Variants in ANKRD30BL observed in about 807,000 individuals in gnomAD.
The protein encoded by ANKRD30BL is ankyrin repeat domain 30B like.
ANKRD30BL carries 20 observed loss-of-function variants against 18.4 expected under a neutral mutation model. That is an observed-to-expected ratio of 1.09 (90% CI 0.77 to 1.58). ANKRD30BL has a LOEUF of 1.58. ANKRD30BL is among the 40% of genes most tolerant of loss of function. The pLI is 0.00. For missense variants in ANKRD30BL, 224 were observed against 268.6 expected (o/e 0.83, Z 1.16); for synonymous variants, 72 against 100.9 (o/e 0.71, Z 1.72).
chr2:132,205,662 T>C (rs1207142390), intron 1 of ANKRD30BL, among the ~76,000 whole-genome samples: 4 of 134,662 alleles, frequency 3.0e-5, no homozygotes, highest in African/African-American at 1.1e-4. Context: ...AAAGAAAAAA[T>C]GAAAGCATGG....
chr2:132,239,195 G>A (rs151154258), intron 1 of ANKRD30BL, among the ~76,000 whole-genome samples: 2 of 151,496 alleles, frequency 1.3e-5, no homozygotes, highest in African/African-American at 4.8e-5. Context: ...CAACTCATAG[G>A]GTTGAACTTT....
intron 1 of ANKRD30BL, among the ~76,000 whole-genome samples, chr2:132,238,668 G>A (rs1186774324): frequency 6.6e-6 from 1 of 152,000 alleles, no homozygotes; most frequent in Non-Finnish European, 1.5e-5. Flanking sequence ...TCTGATGTGT[G>A]TACTCAACTC....
At chr2:132,252,620 G>T (rs1245508040) in intron 1 of ANKRD30BL, among the ~76,000 whole-genome samples, 6 of 152,148 alleles carry the variant, frequency 3.9e-5, no homozygotes, top group African/African-American at 1.4e-4. Context: ...GCTGTGGTCA[G>T]CCAGTCGCTG....
intron 1 of ANKRD30BL, among the ~76,000 whole-genome samples, chr2:132,205,655 GA>G (rs1185193461): frequency 3.3e-5 from 5 of 150,272 alleles, no homozygotes; most frequent in Non-Finnish European, 1.5e-5. Flanking sequence ...AAAAATAAAA[GA>G]AAAAATGAAA....
At position 132,251,750 on chromosome 2, in the gene ANKRD30BL, T is replaced by C. The variant is rs574331063; in HGVS notation, n.441+5779A>G. On this transcript the variant is annotated intron_variant and non_coding_transcript_variant, in intron 1 of 4. Coordinates refer to the ANKRD30BL transcript ENST00000470729. ...ATTCCATTCATTTTTTTCCACAGCTTGGTTTTCACTGTTGTTGCCTAACAT... is the reference window on the plus strand; with the variant it reads ...ATTCCATTCATTTTTTTCCACAGCTCGGTTTTCACTGTTGTTGCCTAACAT... Among the ~76,000 whole-genome samples the C allele has an allele frequency of 2.0e-5, 3 of 152,362 alleles. No homozygotes were observed. In the South Asian group the frequency reaches 6.2e-4, roughly 32 times the overall value.
intron 1 of ANKRD30BL, among the ~76,000 whole-genome samples, chr2:132,253,874 G>A (rs72869415): frequency 2.6e-5 from 4 of 152,078 alleles, no homozygotes; most frequent in South Asian, 4.1e-4. Context: ...GAGAGCAAGC[G>A]GGCCGGGCCG....
At chr2:132,216,289 C>CT (rs2104763910) in intron 1 of ANKRD30BL, among the ~76,000 whole-genome samples, 1 of 152,026 alleles carries the variant, frequency 6.6e-6, no homozygotes, top group African/African-American at 2.4e-5. Flanking sequence ...TTGAAACTCT[C>CT]TTTTTGTAGA....
intron 1 of ANKRD30BL, among the ~76,000 whole-genome samples, chr2:132,231,365 T>C (rs1236809367): frequency 6.6e-6 from 1 of 152,098 alleles, no homozygotes; most frequent in African/African-American, 2.4e-5. Context: ...ACAGCTCTGG[T>C]CTACAGCTCC....
rs139756863 is a variant in ANKRD30BL, at chr2:132,178,415, A to G, written n.442-21269T>C. On this transcript the variant is annotated intron_variant and non_coding_transcript_variant, in intron 1 of 4. Coordinates refer to the ANKRD30BL transcript ENST00000470729. Reference sequence around the variant, plus strand: ...GTTATGGGGCATGGTAGGAAATTCCAGGTGGCCAGATGATTTGACTAAATG... The same window carrying G: ...GTTATGGGGCATGGTAGGAAATTCCGGGTGGCCAGATGATTTGACTAAATG... Among the ~76,000 whole-genome samples the G allele has an allele frequency of 5.4e-3, 829 of 152,344 alleles. 7 individuals carry two copies. The highest frequency in any genetic ancestry group is 0.018 in the African/African-American group (747 of 41,578).
intron 1 of ANKRD30BL, among the ~76,000 whole-genome samples, chr2:132,237,694 C>A (rs111887046): frequency 6.6e-6 from 1 of 150,992 alleles, no homozygotes; most frequent in African/African-American, 2.4e-5. Context: ...GTTGAACATT[C>A]CTTTTCATAG....
chr2:132,157,943 A>C (rs527618917), intron 1 of ANKRD30BL, among the ~76,000 whole-genome samples: 1 of 152,320 alleles, frequency 6.6e-6, no homozygotes, highest in Admixed American at 6.5e-5. Flanking sequence ...TTAGAGATAA[A>C]GCTATTTTAA....
upstream of ANKRD30BL, among the ~76,000 whole-genome samples, chr2:132,166,883 A>G (rs1430819013): frequency 6.6e-6 from 1 of 151,984 alleles, no homozygotes; most frequent in African/African-American, 2.4e-5. Context: ...GCAGAAGCTT[A>G]GGTTATTGAT....
intron 1 of ANKRD30BL, among the ~76,000 whole-genome samples, chr2:132,255,953 G>A (rs1392806241): frequency 3.9e-5 from 6 of 152,210 alleles, no homozygotes; most frequent in Admixed American, 1.3e-4. Flanking sequence ...GAGAGGGGCT[G>A]ACTGGGTTGG....
rs1425664000 is a variant in ANKRD30BL at position 132,181,395 on chromosome 2, C to T, written n.442-24249G>A. 2.6e-5 allele frequency among the ~76,000 whole-genome samples: 4 copies of T among 151,716 alleles called. No individual in the cohort carries two copies. The East Asian group carries it at 7.8e-4, about 30-fold the overall frequency. ...AGGCTGAGCATGAGAATCACTTGAA[C>T]CCAGGAGGGAGAGGTCGTAGTGAGT... is the stretch of plus-strand genomic sequence containing the variant. On this transcript the variant is annotated intron_variant and non_coding_transcript_variant, in intron 1 of 4. Coordinates refer to the ANKRD30BL transcript ENST00000470729.
chr2:132,185,281 C>T (rs1044833332), intron 1 of ANKRD30BL, among the ~76,000 whole-genome samples: 2 of 152,180 alleles, frequency 1.3e-5, no homozygotes, highest in African/African-American at 4.8e-5. Flanking sequence ...TCCACTTGCA[C>T]ACCTCTCAGC....
At chr2:132,234,289 G>A (rs1680094420) in intron 1 of ANKRD30BL, among the ~76,000 whole-genome samples, 2 of 151,940 alleles carry the variant, frequency 1.3e-5, no homozygotes, top group Admixed American at 6.6e-5. Context: ...AGAAAAGCAA[G>A]AGCAAACACA....
At chr2:132,169,176 G>A (rs35890902) in intron 1 of ANKRD30BL, among the ~76,000 whole-genome samples, 22,208 of 151,952 alleles carry the variant, frequency 0.15, 2,218 homozygotes, top group East Asian at 0.46. Flanking sequence ...GATTTCCTAG[G>A]TGACCTCTAG....
chr2:132,232,680 C>A (rs886337346), intron 1 of ANKRD30BL, among the ~76,000 whole-genome samples: 91 of 152,132 alleles, frequency 6.0e-4, no homozygotes, highest in African/African-American at 2.2e-3. Flanking sequence ...AAATATGGGA[C>A]TATGTGAAAA....
chr2:132,211,367 T>G (rs1041713029), intron 1 of ANKRD30BL, among the ~76,000 whole-genome samples: 1 of 151,934 alleles, frequency 6.6e-6, no homozygotes, highest in African/African-American at 2.4e-5. Context: ...TTGAGCGCTT[T>G]GAGTCTTCTG....
Sources: allele counts gnomAD v4.1 joint callset (sites outside exome capture counted in the v4.1 genomes callset), GRCh38; gene constraint gnomAD v4.1.1; transcripts MANE v1.5; gene names NCBI Gene and HGNC (gene_info 2026-07-23, HGNC 2026-07-21).